Variants in COLEC10 observed in about 807,000 individuals in gnomAD.
The protein encoded by COLEC10 is collectin-10.
Under a neutral mutation model 28.4 loss-of-function variants are expected in COLEC10, and 22 were observed. The observed-to-expected ratio is 0.78, with a 90% CI of 0.55 to 1.11. COLEC10 has a LOEUF of 1.11. Ranked by LOEUF, COLEC10 falls within the 50% of genes least tolerant of loss-of-function variation. The pLI is 0.00. For missense variants in COLEC10, 361 were observed against 344.1 expected, an observed-to-expected ratio of 1.05 and a Z score of -0.39; for synonymous variants, 125 against 116.1, an observed-to-expected ratio of 1.08 and a Z score of -0.49.
At chr8:119,055,886 T>A (rs779626666) in intron 2 of COLEC10, among the ~76,000 whole-genome samples, 3 of 152,092 alleles carry the variant, frequency 2.0e-5, no homozygotes, top group Non-Finnish European at 4.4e-5. Flanking sequence ...TTTTGAGCTC[T>A]CATTCACTCC....
chr8:118,971,094 G>T, the COLEC10 span, among the ~76,000 whole-genome samples: 1 of 151,952 alleles, frequency 6.6e-6, no homozygotes, highest in African/African-American at 2.4e-5. Context: ...GGGGAGTTGG[G>T]TTAGTGTTAA....
At chr8:118,967,670 T>A in the COLEC10 span, among the ~76,000 whole-genome samples, 3 of 152,266 alleles carry the variant, frequency 2.0e-5, no homozygotes, top group South Asian at 6.2e-4. Flanking sequence ...GGAAGTTAAA[T>A]AATATGTTTT....
At chr8:119,098,000 C>T (rs751586431) in intron 3 of COLEC10, among the ~76,000 whole-genome samples, 12 of 152,068 alleles carry the variant, frequency 7.9e-5, no homozygotes, top group Admixed American at 1.3e-4. Flanking sequence ...AATATCACCT[C>T]CCTCCACCTC....
chr8:119,083,412 A>G (rs1400017301), intron 1 of COLEC10, among the ~76,000 whole-genome samples: 1 of 152,180 alleles, frequency 6.6e-6, no homozygotes, highest in African/African-American at 2.4e-5. Context: ...TGCTGAATGA[A>G]TTACTGTGGA....
At chr8:119,036,329 C>T (rs1466717709) in intron 2 of COLEC10, among the ~76,000 whole-genome samples, 3 of 152,142 alleles carry the variant, frequency 2.0e-5, no homozygotes, top group Non-Finnish European at 2.9e-5. Context: ...GGAGACTTTT[C>T]AATGATCATG....
At chr8:118,994,694 C>G (rs1481256306), upstream of COLEC10, among the ~76,000 whole-genome samples, 1 of 152,122 alleles carries the variant, frequency 6.6e-6, no homozygotes, top group Non-Finnish European at 1.5e-5. Flanking sequence ...GCTGCCTCCT[C>G]AACACACACA....
At chr8:118,963,581 T>A in the COLEC10 span, among the ~76,000 whole-genome samples, 12 of 152,324 alleles carry the variant, frequency 7.9e-5, no homozygotes, top group African/African-American at 2.6e-4. Context: ...TATTTTTACA[T>A]CTCTGAAGTT....
At chr8:119,015,637 A>G (rs1386299456) in intron 2 of COLEC10, among the ~76,000 whole-genome samples, 1 of 152,146 alleles carries the variant, frequency 6.6e-6, no homozygotes, top group Non-Finnish European at 1.5e-5. Flanking sequence ...AGACTTCAAC[A>G]ATATGTTGGA....
intron 1 of COLEC10, among the ~76,000 whole-genome samples, chr8:118,996,520 CT>C (rs986990345): frequency 1.3e-5 from 2 of 152,142 alleles, no homozygotes; most frequent in African/African-American, 2.4e-5. Flanking sequence ...TTTGCCAACA[CT>C]TGTCTTTTTT....
chr8:119,081,177 ATGT>A (rs1369241170), intron 1 of COLEC10, among the ~76,000 whole-genome samples: 1 of 152,150 alleles, frequency 6.6e-6, no homozygotes, highest in Non-Finnish European at 1.5e-5. Context: ...TTTTCCAGAA[ATGT>A]TGTAGCAATT....
intron 1 of COLEC10, among the ~76,000 whole-genome samples, chr8:119,076,146 C>T (rs189520106): frequency 0.027 from 3,985 of 147,498 alleles, 195 homozygotes; most frequent in African/African-American, 0.095. Flanking sequence ...CTCCTGGCCT[C>T]GTGATCCGCC....
chr8:119,046,887 G>A (rs944678747), intron 2 of COLEC10, among the ~76,000 whole-genome samples: 20 of 152,056 alleles, frequency 1.3e-4, no homozygotes, highest in Admixed American at 3.9e-4. Flanking sequence ...ATCTTCCTAC[G>A]GTCTCATAGG....
At chr8:119,061,117 A>T (rs1814848252) in intron 2 of COLEC10, among the ~76,000 whole-genome samples, 1 of 152,112 alleles carries the variant, frequency 6.6e-6, no homozygotes, top group African/African-American at 2.4e-5. Flanking sequence ...ACTATAAAGG[A>T]TGTGTGTATT....
chr8:119,097,027 T>A (rs1270938433), intron 3 of COLEC10, among the ~76,000 whole-genome samples: 1 of 152,040 alleles, frequency 6.6e-6, no homozygotes, highest in African/African-American at 2.4e-5. Context: ...AAAAACTATA[T>A]GCCAAATGGT....
chr8:119,088,112 GA>G (rs1815518627), intron 1 of COLEC10, among the ~76,000 whole-genome samples: 1 of 151,144 alleles, frequency 6.6e-6, no homozygotes, highest in Admixed American at 6.6e-5. Context: ...GGGTGACAGA[GA>G]AAGACACTGT....
At chr8:119,068,547 G>A (rs957664186) in intron 1 of COLEC10, 17 of 152,154 alleles carry the variant, frequency 1.1e-4, no homozygotes, top group Admixed American at 9.8e-4. Context: ...GGAAACTTTA[G>A]ATTATTCCTG....
At chr8:118,982,582 T>C in the COLEC10 span, 1 of 191,974 alleles carries the variant, frequency 5.2e-6, no homozygotes, top group Non-Finnish European at 1.1e-5. Flanking sequence ...TCTTCATCTT[T>C]TTCCTTCTGA....
At chr8:119,101,589 T>C (rs1343163579) in intron 3 of COLEC10, among the ~76,000 whole-genome samples, 1 of 152,210 alleles carries the variant, frequency 6.6e-6, no homozygotes, top group Non-Finnish European at 1.5e-5. Context: ...AAGGTTGCTA[T>C]TTCAGTATAA....
chr8:118,971,225 C>T, the COLEC10 span, among the ~76,000 whole-genome samples: 1 of 152,118 alleles, frequency 6.6e-6, no homozygotes, highest in East Asian at 1.9e-4. Flanking sequence ...CCATCCTTCA[C>T]TCCCAAACTC....
Sources: allele counts gnomAD v4.1 joint callset (sites outside exome capture counted in the v4.1 genomes callset), GRCh38; gene constraint gnomAD v4.1.1; transcripts MANE v1.5; gene names NCBI Gene and HGNC (gene_info 2026-07-23, HGNC 2026-07-21).